SORBS2: variants seen among roughly 807,000 people sequenced by gnomAD.
The protein encoded by SORBS2 is sorbin and SH3 domain containing 2, also known as sorbin and SH3 domain-containing protein 2.
SORBS2 carries 46 observed loss-of-function variants against 97.7 expected under a neutral mutation model. The observed-to-expected ratio is 0.47, with a 90% CI of 0.37 to 0.60. SORBS2 has a LOEUF of 0.60. Among genes scored for constraint, SORBS2 ranks in the 20% least tolerant of loss-of-function variants. The pLI is 0.00. For synonymous variants in SORBS2, 476 were observed against 473.4 expected (o/e 1.01, Z -0.07); for missense variants, 1,316 against 1,282.3 (o/e 1.03, Z -0.40).
At chr4:185,619,944 TTC>T in intron 8 of SORBS2, 117 bp downstream of exon 20, 1 of 737,614 alleles carries the variant, frequency 1.4e-6, no homozygotes, top group Non-Finnish European at 2.5e-6. Flanking sequence ...TGTTTCTAGT[TTC>T]TCAGTATTTT....
intron 1 of SORBS2, among the ~76,000 whole-genome samples, chr4:185,827,807 TCAC>T (rs2099202430): frequency 7.2e-6 from 1 of 138,088 alleles, no homozygotes; most frequent in Non-Finnish European, 1.6e-5. Flanking sequence ...ATCGTCATCA[TCAC>T]CATCATCACC....
intron 2 of SORBS2, among the ~76,000 whole-genome samples, chr4:185,746,631 G>A (rs1185641693): frequency 6.6e-6 from 1 of 152,120 alleles, no homozygotes; most frequent in African/African-American, 2.4e-5. Flanking sequence ...TCTGGTTAGA[G>A]TTTCTTAGGT....
intron 4 of SORBS2, among the ~76,000 whole-genome samples, chr4:185,669,725 A>G (rs2097679605): frequency 6.6e-6 from 1 of 152,212 alleles, no homozygotes; most frequent in Admixed American, 6.5e-5. Context: ...TCGAAAATAT[A>G]AATGAAGACC....
chr4:185,657,563 G>A, upstream of SORBS2: 1 of 1,586,796 alleles, frequency 6.3e-7, no homozygotes, highest in Non-Finnish European at 8.6e-7. Context: ...GCCATCCAGA[G>A]ACTGCGCATG....
intron 2 of SORBS2, among the ~76,000 whole-genome samples, chr4:185,744,144 C>T (rs2098745916): frequency 6.7e-6 from 1 of 149,944 alleles, no homozygotes; most frequent in South Asian, 2.1e-4. Context: ...CTCCTCCTTC[C>T]CTTCTCTCTT....
At chr4:185,717,828 A>G (rs992961231) in intron 2 of SORBS2, among the ~76,000 whole-genome samples, 2 of 152,260 alleles carry the variant, frequency 1.3e-5, no homozygotes, top group Non-Finnish European at 2.9e-5. Context: ...TCTTCTGCTT[A>G]TTAGCCGCAT....
At chr4:185,603,155 G>A (rs549754430) in intron 12 of SORBS2, among the ~76,000 whole-genome samples, 2 of 152,234 alleles carry the variant, frequency 1.3e-5, no homozygotes, top group East Asian at 1.9e-4. Flanking sequence ...CTGATGCTAC[G>A]ATGGTGCGTC....
At chr4:185,658,692 C>CTTTTTT (rs35439018), upstream of SORBS2, among the ~76,000 whole-genome samples, 5 of 115,988 alleles carry the variant, frequency 4.3e-5, no homozygotes, top group African/African-American at 9.5e-5. Flanking sequence ...AATAAGTAAG[C>CTTTTTT]TTTTTTTTTT....
chr4:185,701,088 T>C (rs978048703), intron 2 of SORBS2, among the ~76,000 whole-genome samples: 4 of 152,366 alleles, frequency 2.6e-5, no homozygotes, highest in East Asian at 1.9e-4. Flanking sequence ...AGATTGTTAG[T>C]TGGCATATTT....
At chr4:185,848,961 A>G (rs1265262833) in intron 1 of SORBS2, among the ~76,000 whole-genome samples, 1 of 152,182 alleles carries the variant, frequency 6.6e-6, no homozygotes. Context: ...TGGCTTATTT[A>G]TATTAAAGAA....
At chr4:185,944,309 C>T (rs1041919893) in intron 1 of SORBS2, among the ~76,000 whole-genome samples, 4 of 152,294 alleles carry the variant, frequency 2.6e-5, no homozygotes, top group East Asian at 1.9e-4. Context: ...CTAGCCTGGG[C>T]CTAGTTTCCA....
intron 1 of SORBS2, among the ~76,000 whole-genome samples, chr4:185,949,530 C>T (rs1163003261): frequency 6.6e-6 from 1 of 151,862 alleles, no homozygotes; most frequent in African/African-American, 2.4e-5. Context: ...ATTGCAACCA[C>T]ACTTTGGAAG....
At chr4:185,827,935 CCATCAT>C (rs539610381) in intron 1 of SORBS2, among the ~76,000 whole-genome samples, 3 of 137,590 alleles carry the variant, frequency 2.2e-5, no homozygotes, top group East Asian at 4.2e-4. Flanking sequence ...ACCATCATCA[CCATCAT>C]CATCATCATC....
At chr4:185,790,196 C>A (rs533813692) in intron 1 of SORBS2, among the ~76,000 whole-genome samples, 18 of 151,660 alleles carry the variant, frequency 1.2e-4, no homozygotes. Flanking sequence ...AACACATTTG[C>A]TATGAAAAAA....
chr4:185,912,388 C>T (rs557057088), intron 1 of SORBS2, among the ~76,000 whole-genome samples: 1 of 151,766 alleles, frequency 6.6e-6, no homozygotes, highest in African/African-American at 2.4e-5. Flanking sequence ...AGTTCGAGAC[C>T]AGCCTGGCCA....
intron 1 of SORBS2, among the ~76,000 whole-genome samples, chr4:185,846,642 C>G (rs1054830790): frequency 5.3e-5 from 8 of 152,208 alleles, no homozygotes; most frequent in Non-Finnish European, 2.9e-5. Context: ...AACAATTTCA[C>G]TGGTAAAGCC....
At chr4:185,832,131 G>C (rs1289401987) in intron 1 of SORBS2, among the ~76,000 whole-genome samples, 1 of 152,148 alleles carries the variant, frequency 6.6e-6, no homozygotes, top group Non-Finnish European at 1.5e-5. Context: ...GCAGCTTTCA[G>C]TCTTTGCACT....
intron 2 of SORBS2, among the ~76,000 whole-genome samples, chr4:185,732,188 G>T (rs1264722755): frequency 2.0e-5 from 3 of 151,946 alleles, no homozygotes; most frequent in African/African-American, 2.4e-5. Context: ...ATGAGAATAA[G>T]TAAACTCCCA....
intron 2 of SORBS2, among the ~76,000 whole-genome samples, chr4:185,749,602 T>C (rs1443184240): frequency 6.6e-6 from 1 of 152,202 alleles, no homozygotes; most frequent in Non-Finnish European, 1.5e-5. Flanking sequence ...ATATGGACTT[T>C]TAGACCAGTA....
Sources: allele counts gnomAD v4.1 joint callset (sites outside exome capture counted in the v4.1 genomes callset), GRCh38; gene constraint gnomAD v4.1.1; transcripts MANE v1.5; gene names NCBI Gene and HGNC (gene_info 2026-07-23, HGNC 2026-07-21).